The following TRAK1 variants were observed in gnomAD, a reference collection of about 807,000 sequenced individuals.
The protein encoded by TRAK1 is trafficking kinesin protein 1.
TRAK1 carries 33 observed loss-of-function variants against 92.1 expected under a neutral mutation model. The observed-to-expected ratio is 0.36, with a 90% confidence interval of 0.27 to 0.48. TRAK1 has a LOEUF of 0.48. Ranked by LOEUF, TRAK1 falls within the 20% of genes least tolerant of loss-of-function variation. TRAK1 has a pLI of 0.99. For synonymous variants in TRAK1, 521 were observed against 517.3 expected, an observed-to-expected ratio of 1.01 and a Z score of -0.10; for missense variants, 1,123 against 1,257.9, an observed-to-expected ratio of 0.89 and a Z score of 1.62.
At chr3:42,158,203 T>G (rs1700785450) in intron 2 of TRAK1, among the ~76,000 whole-genome samples, 1 of 152,204 alleles carries the variant, frequency 6.6e-6, no homozygotes, top group African/African-American at 2.4e-5. Context: ...AAGATGAGTA[T>G]AAATAAATTT....
At chr3:42,047,222 TTTTA>T (rs1263361472) in intron 1 of TRAK1, among the ~76,000 whole-genome samples, 10 of 141,318 alleles carry the variant, frequency 7.1e-5, no homozygotes, top group African/African-American at 2.5e-4. Context: ...TTTTTTTTTT[TTTTA>T]AATCTGTCGC....
intron 3 of TRAK1, among the ~76,000 whole-genome samples, chr3:42,183,038 C>T (rs1704229882): frequency 1.3e-5 from 2 of 152,128 alleles, no homozygotes; most frequent in Admixed American, 6.5e-5. Flanking sequence ...AATTTGTGAC[C>T]AGTACCTGCT....
chr3:42,027,441 T>G (rs1477107943), intron 1 of TRAK1, among the ~76,000 whole-genome samples: 1 of 152,018 alleles, frequency 6.6e-6, no homozygotes, highest in Non-Finnish European at 1.5e-5. Flanking sequence ...GAGAATGGCG[T>G]TAACCCGGGA....
intron 1 of TRAK1, among the ~76,000 whole-genome samples, chr3:42,034,114 T>C (rs1466889275): frequency 6.6e-6 from 1 of 152,192 alleles, no homozygotes; most frequent in Non-Finnish European, 1.5e-5. Context: ...CCTTGCCCCA[T>C]CCATGTTCTG....
At chr3:42,194,560 G>C (rs987394502) in intron 9 of TRAK1, among the ~76,000 whole-genome samples, 1 of 152,120 alleles carries the variant, frequency 6.6e-6, no homozygotes, top group African/African-American at 2.4e-5. Flanking sequence ...CATGAAGTTG[G>C]TTTTGTTTCA....
intron 1 of TRAK1, among the ~76,000 whole-genome samples, chr3:42,047,055 C>G (rs1007748076): frequency 1.3e-5 from 2 of 152,110 alleles, no homozygotes; most frequent in Admixed American, 6.6e-5. Context: ...TAAATTCATT[C>G]TTTAAGTTAA....
chr3:42,219,955 G>C (rs1710180933), intron 15 of TRAK1, among the ~76,000 whole-genome samples: 1 of 151,912 alleles, frequency 6.6e-6, no homozygotes, highest in African/African-American at 2.4e-5. Flanking sequence ...CAAATAAAGA[G>C]ACCTGGACCG....
At chr3:42,076,204 G>A (rs1308242848) in intron 1 of TRAK1, among the ~76,000 whole-genome samples, 5 of 137,472 alleles carry the variant, frequency 3.6e-5, no homozygotes, top group African/African-American at 1.4e-4. Flanking sequence ...TCATAGATTT[G>A]GGATATTAGA....
At chr3:42,066,874 G>T (rs912132994) in intron 1 of TRAK1, among the ~76,000 whole-genome samples, 1 of 152,130 alleles carries the variant, frequency 6.6e-6, no homozygotes, top group Non-Finnish European at 1.5e-5. Context: ...TCAGGGGCTG[G>T]GGGGAGGGAT....
intron 2 of TRAK1, among the ~76,000 whole-genome samples, chr3:42,168,066 A>G (rs917605937): frequency 6.6e-6 from 1 of 152,222 alleles, no homozygotes; most frequent in Admixed American, 6.5e-5. Context: ...ATGCCTAGGA[A>G]AAGAGTTCAA....
upstream of TRAK1, chr3:42,013,663 G>A (rs1014616303): frequency 6.1e-5 from 9 of 147,814 alleles, 1 homozygote; most frequent in South Asian, 3.7e-4. The surrounding 1 kb of genome is among the most constrained non-coding windows in gnomAD (Gnocchi z 5.1). Context: ...GAGCCATGGC[G>A]AGAGGCCGCG....
At chr3:42,039,763 C>A (rs1388082890) in intron 1 of TRAK1, among the ~76,000 whole-genome samples, 2 of 152,178 alleles carry the variant, frequency 1.3e-5, no homozygotes, top group Non-Finnish European at 2.9e-5. Flanking sequence ...GAGTATATAT[C>A]TAGGACAAAA....
chr3:42,188,061 A>G lies in TRAK1; in HGVS notation c.497A>G (p.His166Arg). 6.2e-7 allele frequency: 1 copy of G among 1,614,124 alleles called. No individual in the cohort carries two copies. Among genetic ancestry groups the G allele is most frequent in the Non-Finnish European group, 8.5e-7 (1 of 1,180,024 alleles). Residue 166 changes from histidine (H) to arginine (R), a missense_variant, in exon 5 of 16, where the codon CAT (histidine) becomes CGT (arginine). Physicochemically the swap from His to Arg is conservative, Grantham distance 29 (BLOSUM62 0). Transcript: ENST00000327628. ...CTTGTGCAGGTGTCTCAGCTCCGGC[A>G]TGAGCTGTCCATGAAGGATGAGCTG... ...HIREEVSQLR[H>R]ELSMKDELLQ...
chr3:42,177,867 C>T (rs1362248834), intron 3 of TRAK1, among the ~76,000 whole-genome samples: 1 of 152,172 alleles, frequency 6.6e-6, no homozygotes, highest in Non-Finnish European at 1.5e-5. Context: ...GGGGAAGTCA[C>T]AAACTCATCA....
chr3:42,089,500 C>T (rs1253112646), upstream of TRAK1, among the ~76,000 whole-genome samples: 1 of 152,178 alleles, frequency 6.6e-6, no homozygotes, highest in Non-Finnish European at 1.5e-5. Flanking sequence ...TCCCTCTTTG[C>T]CCCGCTGACC....
At position 42,136,775 on chromosome 3, in the gene TRAK1, T is replaced by C. The variant is rs1698015414; in HGVS notation, c.286+11161T>C. Among the ~76,000 whole-genome samples, 3 of 152,244 alleles carry C rather than the reference T, an allele frequency of 2.0e-5. No individual in the cohort carries two copies. In the South Asian group the frequency reaches 6.2e-4, roughly 32 times the overall value. On this transcript the variant is annotated intron_variant, in intron 2 of 15. Coordinates refer to ENST00000327628, the MANE Select transcript of TRAK1 (RefSeq NM_001042646.3). ...TTGGCTCACTGCAATCTCCACCTCCTGGGTTCAAGTGATTTTCCTGCCTCA... is the reference window on the plus strand; with the variant it reads ...TTGGCTCACTGCAATCTCCACCTCCCGGGTTCAAGTGATTTTCCTGCCTCA...
chr3:42,155,580 G>A (rs980132189), intron 2 of TRAK1, among the ~76,000 whole-genome samples: 3 of 152,164 alleles, frequency 2.0e-5, no homozygotes, highest in African/African-American at 7.2e-5. Flanking sequence ...TGGAAGCAGA[G>A]GCTGCAGGGG....
intron 1 of TRAK1, among the ~76,000 whole-genome samples, chr3:42,047,922 C>CTTTTTTTTT (rs11422406): frequency 7.7e-6 from 1 of 129,226 alleles, no homozygotes; most frequent in Non-Finnish European, 1.6e-5. Context: ...AGTTTCTTTT[C>CTTTTTTTTT]TTTTTTTTTT....
At chr3:42,046,623 A>C (rs1262792716) in intron 1 of TRAK1, among the ~76,000 whole-genome samples, 3 of 152,210 alleles carry the variant, frequency 2.0e-5, no homozygotes, top group Non-Finnish European at 4.4e-5. Flanking sequence ...GATGGAATTA[A>C]GAGGATGTCT....
Sources: gnomAD v4.1 joint callset for allele counts (sites outside exome capture counted in the v4.1 genomes callset) on GRCh38, gnomAD v4.1.1 for gene constraint, Gnocchi (gnomAD v3.1) non-coding constraint, MANE v1.5 for transcripts, NCBI Gene and HGNC (gene_info 2026-07-23, HGNC 2026-07-21) for gene names.